The following CACNA2D3 variants were observed in gnomAD, a reference collection of about 807,000 sequenced individuals.
CACNA2D3 encodes calcium voltage-gated channel auxiliary subunit alpha2delta 3, also known as voltage-dependent calcium channel subunit alpha-2/delta-3.
CACNA2D3 carries 60 observed loss-of-function variants against 160.6 expected under a neutral mutation model. The observed-to-expected ratio is 0.37, with a 90% CI of 0.30 to 0.46. The LOEUF (loss-of-function observed/expected upper bound fraction) is 0.46. Ranked by LOEUF, CACNA2D3 falls within the 20% of genes least tolerant of loss-of-function variation. The probability of loss-of-function intolerance (pLI) is 1.00; values close to 1 mark genes in which losing one functional copy is unlikely to be tolerated. For missense variants in CACNA2D3, 1,205 were observed against 1,365.0 expected (o/e 0.88, Z 1.85); for synonymous variants, 558 against 492.9 (o/e 1.13, Z -1.75).
chr3:54,376,458 A>G (rs980891731), intron 3 of CACNA2D3, among the ~76,000 whole-genome samples: 4 of 152,144 alleles, frequency 2.6e-5, no homozygotes, highest in Non-Finnish European at 5.9e-5. Flanking sequence ...GCTTTGTTTT[A>G]TAGAGCAGTT....
At chr3:54,675,808 GA>G (rs1228079266) in intron 11 of CACNA2D3, among the ~76,000 whole-genome samples, 1 of 152,138 alleles carries the variant, frequency 6.6e-6, no homozygotes, top group African/African-American at 2.4e-5. Context: ...AAGGCTCTGA[GA>G]GACCTACAAC....
chr3:54,324,634 G>A (rs1704082556), intron 3 of CACNA2D3, among the ~76,000 whole-genome samples: 1 of 152,014 alleles, frequency 6.6e-6, no homozygotes, highest in East Asian at 1.9e-4. Context: ...TTGCTTTTGT[G>A]TATAGCAGTT....
chr3:54,122,721 G>GGCCGGGCTCGCCGC lies in CACNA2D3; in HGVS notation c.13_26dup (p.Ser11ArgfsTer37). On this transcript the variant is annotated frameshift_variant, in exon 1 of 38. Transcript: ENST00000474759. LOFTEE classifies it high-confidence loss of function. ...CGTCGGAGGGAGCCCAGCATGGCCG[G>GGCCGGGCTCGCCGC]GCCGGGCTCGCCGCGCCGCGCGTCC... The GGCCGGGCTCGCCGC allele has an allele frequency of 8.3e-7, 1 of 1,198,188 alleles. No homozygotes were observed. Among genetic ancestry groups the GGCCGGGCTCGCCGC allele is most frequent in the Non-Finnish European group, 1.0e-6 (1 of 966,030 alleles). 74.2% of individuals were successfully genotyped at this position (1,198,188 alleles called of 1,614,324 possible).
chr3:54,969,824 T>C lies in CACNA2D3; in HGVS notation c.2536T>C (p.Ser846Pro), dbSNP rs201869172. 4.9e-4 allele frequency: 792 copies of C among 1,613,594 alleles called. No individual in the cohort carries two copies. The highest frequency in any genetic ancestry group is 9.7e-4 in the Admixed American group (58 of 60,002). The change falls in exon 29 of 38, where the codon TCC becomes CCC. Residue 846 changes from serine (S) to proline (P), a missense_variant. Ser to Pro is a moderately conservative substitution (Grantham distance 74, BLOSUM62 -1). Around this residue, in one of 3 missense-constraint regions of CACNA2D3, gnomAD observed 911 missense variants for 1,002.2 expected, o/e 0.91. Transcript: ENST00000474759. The part of the protein sequence containing the change: ...RQCASLDGKC[S>P]ISCDDETVNC... ...GTGTGCTTCCCTGGATGGCAAATGC[T>C]CCATCAGCTGTGATGATGAGGTAAG...
In CACNA2D3 at chr3:55,044,532, G is replaced by A. The variant is rs188920682; in HGVS notation, c.2987+26215G>A. 4.9e-3 allele frequency among the ~76,000 whole-genome samples: 737 copies of A among 151,770 alleles called. 10 individuals carry two copies. The highest frequency in any genetic ancestry group is 0.017 in the African/African-American group (696 of 41,412). ...CTATTCTATGTAGACAGATTATATC[G>A]TATGTGCATTAAGATGGTTATATTT... On this transcript the variant is annotated intron_variant, in intron 35 of 37. Transcript: ENST00000474759.
intron 11 of CACNA2D3, among the ~76,000 whole-genome samples, chr3:54,722,998 G>T (rs2081799): frequency 0.03 from 4,496 of 152,260 alleles, 91 homozygotes; most frequent in Middle Eastern, 0.048. Flanking sequence ...ACCCATAGCC[G>T]CCCCCTCCGC....
At chr3:54,183,306 T>C (rs968180125) in intron 2 of CACNA2D3, among the ~76,000 whole-genome samples, 3 of 151,170 alleles carry the variant, frequency 2.0e-5, no homozygotes, top group African/African-American at 2.4e-5. Flanking sequence ...TTCTGGTTGA[T>C]AGGGTTTTAG....
At chr3:54,674,486 G>A (rs1437240217) in intron 11 of CACNA2D3, among the ~76,000 whole-genome samples, 2 of 152,202 alleles carry the variant, frequency 1.3e-5, no homozygotes, top group Admixed American at 1.3e-4. Context: ...CAGTGGGGAG[G>A]AGCCCCTGGA....
At chr3:54,548,038 C>T (rs1702093889) in intron 5 of CACNA2D3, among the ~76,000 whole-genome samples, 1 of 152,116 alleles carries the variant, frequency 6.6e-6, no homozygotes, top group Admixed American at 6.5e-5. Flanking sequence ...CACATGACAC[C>T]TGCCACTCCA....
intron 5 of CACNA2D3, among the ~76,000 whole-genome samples, chr3:54,539,537 TGC>T (rs1464868087): frequency 1.3e-5 from 2 of 152,214 alleles, no homozygotes; most frequent in Admixed American, 1.3e-4. Context: ...TGTGAAGGTG[TGC>T]GTCTCTTTGC....
chr3:54,938,775 T>C (rs1398083564), intron 27 of CACNA2D3, among the ~76,000 whole-genome samples: 1 of 152,158 alleles, frequency 6.6e-6, no homozygotes, highest in East Asian at 1.9e-4. Context: ...GAAAAAGTTG[T>C]TGTGGTCTGT....
intron 35 of CACNA2D3, among the ~76,000 whole-genome samples, chr3:55,053,476 A>T (rs1008541297): frequency 6.6e-6 from 1 of 151,970 alleles, no homozygotes; most frequent in African/African-American, 2.4e-5. Context: ...TCTAACAGCA[A>T]TGATTCATGA....
At chr3:54,266,101 C>A (rs1375014858) in intron 2 of CACNA2D3, among the ~76,000 whole-genome samples, 2 of 152,124 alleles carry the variant, frequency 1.3e-5, no homozygotes, top group Admixed American at 1.3e-4. Context: ...GGTCTAGGGA[C>A]TTAAATCAGT....
At chr3:54,140,924 C>T (rs1394051657) in intron 2 of CACNA2D3, among the ~76,000 whole-genome samples, 3 of 152,062 alleles carry the variant, frequency 2.0e-5, no homozygotes, top group Non-Finnish European at 4.4e-5. Flanking sequence ...TTGGAGAAGT[C>T]AGTGAGATCA....
intron 8 of CACNA2D3, among the ~76,000 whole-genome samples, chr3:54,576,132 G>A (rs746732702): frequency 2.0e-5 from 3 of 152,200 alleles, no homozygotes; most frequent in Non-Finnish European, 4.4e-5. Flanking sequence ...CCTGCTTAGA[G>A]AGGTCTTTCC....
intron 27 of CACNA2D3, among the ~76,000 whole-genome samples, chr3:54,900,973 C>A (rs1001381004): frequency 6.6e-6 from 1 of 152,148 alleles, no homozygotes; most frequent in Non-Finnish European, 1.5e-5. Context: ...TGTATCTGAC[C>A]TGTGGCTCAT....
chr3:54,184,232 G>A (rs922712728), intron 2 of CACNA2D3, among the ~76,000 whole-genome samples: 3 of 152,212 alleles, frequency 2.0e-5, no homozygotes, highest in African/African-American at 4.8e-5. Context: ...AACATTTGGC[G>A]CACACTTGAC....
chr3:54,483,107 A>G (rs1224459070), intron 4 of CACNA2D3, among the ~76,000 whole-genome samples: 1 of 152,222 alleles, frequency 6.6e-6, no homozygotes, highest in Non-Finnish European at 1.5e-5. Context: ...TGGCATTGAG[A>G]GCATGCGATT....
intron 24 of CACNA2D3, among the ~76,000 whole-genome samples, chr3:54,890,826 T>A (rs1176525943): frequency 1.3e-5 from 2 of 152,216 alleles, no homozygotes; most frequent in South Asian, 2.1e-4. Context: ...CCCCCACAAC[T>A]GTGTGGATGT....
Sources: allele counts gnomAD v4.1 joint callset (sites outside exome capture counted in the v4.1 genomes callset), GRCh38; gene constraint gnomAD v4.1.1; regional missense constraint gnomAD v4.1.1; transcripts MANE v1.5; gene names NCBI Gene and HGNC (gene_info 2026-07-23, HGNC 2026-07-21).